Variants in CDCP2 observed in about 807,000 individuals in gnomAD.
CDCP2 encodes the protein CUB domain-containing protein 2.
CDCP2 carries 31 observed loss-of-function variants against 31.0 expected under a neutral mutation model. That is an observed-to-expected ratio of 1.00 (90% CI 0.75 to 1.35). The LOEUF (loss-of-function observed/expected upper bound fraction) is 1.35, where lower values mean the gene tolerates loss of function less well. Among genes scored for constraint, CDCP2 ranks in the 40% most tolerant of loss-of-function variants. The probability of loss-of-function intolerance (pLI) is 0.00; values close to 1 mark genes in which losing one functional copy is unlikely to be tolerated. For synonymous variants in CDCP2, 206 were observed against 207.9 expected, an observed-to-expected ratio of 0.99 and a Z score of 0.08; for missense variants, 443 against 482.6, an observed-to-expected ratio of 0.92 and a Z score of 0.77.
intron 2 of CDCP2, chr1:54,142,284 TAGAG>T (rs777155175): frequency 9.2e-5 from 14 of 152,194 alleles, no homozygotes; most frequent in South Asian, 2.1e-4. Context: ...AACCAAGACT[TAGAG>T]AGAGGACCTG....
rs564564897 is a variant in CDCP2, at chr1:54,151,039, C to T, written c.79+1805G>A. On this transcript the variant is annotated intron_variant, in intron 1 of 5. Transcript: ENST00000530059. Reference sequence around the variant, plus strand: ...CTCTGGGGTCCGGGGAGAGGAAAGCCGATCTTGCTGGGGCCAGCAGTATCA... The same window carrying T: ...CTCTGGGGTCCGGGGAGAGGAAAGCTGATCTTGCTGGGGCCAGCAGTATCA... Among the ~76,000 whole-genome samples the T allele has an allele frequency of 7.9e-5, 12 of 152,226 alleles. No homozygotes were observed. The South Asian group carries it at 2.1e-3, about 26-fold the overall frequency.
At chr1:54,151,090 G>A (rs1659577127) in intron 1 of CDCP2, among the ~76,000 whole-genome samples, 1 of 152,196 alleles carries the variant, frequency 6.6e-6, no homozygotes, top group Admixed American at 6.5e-5. Context: ...TCCAGAGGGG[G>A]TGATATTTGA....
chr1:54,135,358 C>T (rs1028719853), intron 5 of CDCP2, among the ~76,000 whole-genome samples: 1 of 152,164 alleles, frequency 6.6e-6, no homozygotes, highest in African/African-American at 2.4e-5. Context: ...GTTTGAGCTG[C>T]GTATCTTCCA....
chr1:54,147,157 G>A (rs1354741499), intron 1 of CDCP2, among the ~76,000 whole-genome samples: 1 of 148,910 alleles, frequency 6.7e-6, no homozygotes, highest in African/African-American at 2.5e-5. Flanking sequence ...GGTACAATTC[G>A]AGCATCAAAA....
intron 1 of CDCP2, 105 bp downstream of exon 1, chr1:54,152,739 G>C: frequency 2.0e-6 from 2 of 1,012,508 alleles, no homozygotes; most frequent in Non-Finnish European, 3.0e-6. Flanking sequence ...CCCCTAAAAG[G>C]ACCTCCTGCT....
chr1:54,139,551 T>A (rs1221530249), intron 4 of CDCP2: 1 of 1,612,236 alleles, frequency 6.2e-7, no homozygotes, highest in Non-Finnish European at 8.5e-7. Context: ...TCTGCAATAG[T>A]GGAAACAAGC....
chr1:54,146,578 T>C (rs1659475207), intron 1 of CDCP2, among the ~76,000 whole-genome samples: 2 of 151,964 alleles, frequency 1.3e-5, no homozygotes, highest in African/African-American at 4.9e-5. Context: ...GTTTTAAAAA[T>C]TTATTTCCTA....
At chr1:54,150,698 A>G (rs1378272235) in intron 1 of CDCP2, among the ~76,000 whole-genome samples, 3 of 152,210 alleles carry the variant, frequency 2.0e-5, no homozygotes, top group Non-Finnish European at 2.9e-5. Flanking sequence ...CCTGGAGCCC[A>G]GAGGCTCTGG....
intron 1 of CDCP2, among the ~76,000 whole-genome samples, chr1:54,152,187 G>A (rs192792919): frequency 2.0e-5 from 3 of 152,276 alleles, no homozygotes; most frequent in Admixed American, 1.3e-4. Context: ...CAATAGGCTG[G>A]GTGCGGTGGC....
intron 1 of CDCP2, among the ~76,000 whole-genome samples, chr1:54,150,351 T>C (rs901259860): frequency 3.3e-5 from 5 of 152,178 alleles, no homozygotes; most frequent in East Asian, 3.8e-4. Flanking sequence ...TCCCAGCACT[T>C]TGGGAGGCCA....
chr1:54,141,125 G>A lies in CDCP2; in HGVS notation c.736C>T (p.Arg246Cys), dbSNP rs764190624. 15 of 1,537,052 alleles carry A rather than the reference G, an allele frequency of 9.8e-6. No individual in the cohort carries two copies. The East Asian group carries it at 1.4e-4, about 14-fold the overall frequency. ...GAGAAGTAGTAGGCCTTGAAGCCAC[G>A]GCCTCCGATGTTGAAGTCGGACTTG... The change falls in exon 3 of 6, where the codon CGT becomes TGT. Residue 246 changes from arginine (R) to cysteine (C), a missense_variant. By Grantham distance (180) the Arg-to-Cys change is radical. Transcript: ENST00000530059.
At position 54,140,175 on chromosome 1, in the gene CDCP2, C is replaced by T. The variant is rs1659340312; in HGVS notation, c.764-69G>A. ...GAGGAGAAGTCACTCTCTGCAGTTA[C>T]AGCTTAGGCAGCAGGTGCCACAGTG... On this transcript the variant is annotated intron_variant, in intron 3 of 5. Transcript: ENST00000530059. The T allele has an allele frequency of 4.8e-6, 7 of 1,469,938 alleles. No individual in the cohort carries two copies. In the South Asian group the frequency reaches 5.8e-5, roughly 12 times the overall value. 91.1% of individuals were successfully genotyped at this position (1,469,938 alleles called of 1,614,324 possible).
At chr1:54,133,039 C>G in exon 6 of CDCP2, 1 of 399,104 alleles carries the variant, frequency 2.5e-6, no homozygotes, top group Non-Finnish European at 4.4e-6. Context: ...CCCAGGAAGA[C>G]GATGTCACTG....
intron 1 of CDCP2, among the ~76,000 whole-genome samples, chr1:54,145,192 C>G (rs1365079968): frequency 6.6e-6 from 1 of 152,100 alleles, no homozygotes; most frequent in Non-Finnish European, 1.5e-5. Flanking sequence ...CTTTGGGAGG[C>G]AGAAGTGGGC....
At chr1:54,137,700 T>TGTGTGTGCGCGCGCGTGTGTGA (rs1659283811) in intron 4 of CDCP2, 1 of 152,818 alleles carries the variant, frequency 6.5e-6, no homozygotes, top group Non-Finnish European at 1.5e-5. Context: ...TGTGTGTGTG[T>TGTGTGTGCGCGCGCGTGTGTGA]GTGTGCATGC....
chr1:54,132,866 C>T (rs977716710), downstream of CDCP2: 1 of 397,584 alleles, frequency 2.5e-6, no homozygotes, highest in African/African-American at 2.1e-5. Context: ...GGGATATGAC[C>T]TGCCAATGGT....
At chr1:54,146,268 C>T (rs1354624230) in intron 1 of CDCP2, among the ~76,000 whole-genome samples, 1 of 151,278 alleles carries the variant, frequency 6.6e-6, no homozygotes, top group Non-Finnish European at 1.5e-5. Flanking sequence ...CAACCTCTGC[C>T]TTCCAGGTTC....
chr1:54,139,390 T>C, intron 4 of CDCP2: 1 of 700,122 alleles, frequency 1.4e-6, no homozygotes, highest in East Asian at 2.7e-5. Flanking sequence ...GTTATACCAA[T>C]TTTTTTGCCA....
chr1:54,133,197 G>A, exon 6 of CDCP2: 1 of 399,114 alleles, frequency 2.5e-6, no homozygotes, highest in Non-Finnish European at 4.4e-6. Flanking sequence ...CTTGCGCCGT[G>A]GCTCACAGCG....
Sources: gnomAD v4.1 joint callset for allele counts (sites outside exome capture counted in the v4.1 genomes callset) on GRCh38, gnomAD v4.1.1 for gene constraint, MANE v1.5 for transcripts, NCBI Gene and HGNC (gene_info 2026-07-23, HGNC 2026-07-21) for gene names.